ZCWPW2: variants seen among roughly 807,000 people sequenced by gnomAD.
ZCWPW2 encodes the protein zinc finger CW-type PWWP domain protein 2.
In ZCWPW2, 45 loss-of-function variants were observed where a neutral mutation model predicts 46.6. That is an observed-to-expected ratio of 0.96 (90% CI 0.76 to 1.24). The LOEUF (loss-of-function observed/expected upper bound fraction) is 1.24, where lower values mean the gene tolerates loss of function less well. Among genes scored for constraint, ZCWPW2 ranks in the 50% most tolerant of loss-of-function variants. ZCWPW2 has a pLI of 0.00. For missense variants in ZCWPW2, 429 were observed against 403.9 expected, an observed-to-expected ratio of 1.06 and a Z score of -0.53; for synonymous variants, 152 against 137.1, an observed-to-expected ratio of 1.11 and a Z score of -0.76.
intron 4 of ZCWPW2, among the ~76,000 whole-genome samples, chr3:28,452,836 G>A (rs1012347689): frequency 1.3e-5 from 2 of 152,122 alleles, no homozygotes; most frequent in Non-Finnish European, 2.9e-5. Context: ...AGAACAATAA[G>A]GTGGAGAATA....
rs1704410405 is a variant in ZCWPW2 at position 28,349,021 on chromosome 3, G to A, written c.-316G>A. On this transcript the variant is annotated 5_prime_UTR_variant, in exon 1 of 10. Transcript: ENST00000383768. ...CGCTGTCCGCGGGCTCGGCGCCAGG[G>A]ACGCGCGAGGAAACCGGAAGTCAGG... 5.1e-6 allele frequency: 5 copies of A among 986,084 alleles called. No homozygotes were observed. The highest frequency in any genetic ancestry group is 4.7e-5 in the South Asian group (1 of 21,314). The allele number at this position is 986,084 out of a possible 1,614,324, so 61.1% of individuals were successfully genotyped here.
At chr3:28,465,546 A>C (rs1430593954) in intron 4 of ZCWPW2, among the ~76,000 whole-genome samples, 1 of 152,204 alleles carries the variant, frequency 6.6e-6, no homozygotes, top group Admixed American at 6.5e-5. Flanking sequence ...TTTTATTTTA[A>C]TTAGAGAAAA....
chr3:28,407,621 T>C (rs1198784549), intron 2 of ZCWPW2, among the ~76,000 whole-genome samples: 1 of 152,178 alleles, frequency 6.6e-6, no homozygotes, highest in Non-Finnish European at 1.5e-5. Context: ...GAAAATTGAG[T>C]GTCCATAACC....
At chr3:28,436,674 G>T (rs1034744879) in intron 4 of ZCWPW2, among the ~76,000 whole-genome samples, 1 of 152,002 alleles carries the variant, frequency 6.6e-6, no homozygotes, top group Non-Finnish European at 1.5e-5. Context: ...AAGAGGGAAG[G>T]CTGTTTTTGT....
chr3:28,433,918 T>C (rs13092112), intron 3 of ZCWPW2, among the ~76,000 whole-genome samples: 4,542 of 61,866 alleles, frequency 0.073, 121 homozygotes, highest in Non-Finnish European at 0.12. Context: ...TCCACCCCAG[T>C]TTTTTTTTTT....
Position 28,515,588 on chromosome 3 carries a change from T to C in ZCWPW2, c.751T>C (p.Tyr251His), listed in dbSNP as rs1243866554. ...AILKCSFENVYSDDALSKENR... is the reference protein window; with the variant it reads ...AILKCSFENVHSDDALSKENR... ...TTTAAAATGCTCTTTTGAAAATGTTTATTCTGATGATGCCTTATCAAAGGA... is the reference window on the plus strand; with the variant it reads ...TTTAAAATGCTCTTTTGAAAATGTTCATTCTGATGATGCCTTATCAAAGGA... The change falls in exon 8 of 10, where the codon TAT becomes CAT. Residue 251 changes from tyrosine (Y) to histidine (H), a missense_variant. By Grantham distance (83) the Tyr-to-His change is moderately conservative. Coordinates refer to ENST00000383768, the MANE Select transcript of ZCWPW2 (RefSeq NM_001040432.4). 4 of 1,612,860 alleles carry C rather than the reference T, an allele frequency of 2.5e-6. No individual in the cohort carries two copies. The South Asian group carries it at 4.4e-5, about 18-fold the overall frequency.
At chr3:28,352,135 C>CACAT (rs140459897) in intron 1 of ZCWPW2, among the ~76,000 whole-genome samples, 7 of 118,150 alleles carry the variant, frequency 5.9e-5, no homozygotes, top group African/African-American at 1.2e-4. Flanking sequence ...TGCACACACA[C>CACAT]ACACACACAC....
rs1251797644 is a variant in ZCWPW2, at chr3:28,406,824, TTC to T, written c.-13-6230_-13-6229del. Among the ~76,000 whole-genome samples, 5 of 133,666 alleles carry T rather than the reference TTC, an allele frequency of 3.7e-5. No homozygotes were observed. In the South Asian group the frequency reaches 8.9e-4, roughly 24 times the overall value. The allele number at this position is 133,666 out of a possible 152,430, so 87.7% of individuals were successfully genotyped here. ...TTCATGGAATTTCCTTTTCTTTTTT[TTC>T]TTTTTTTTTTTTTTTTTGACAGACA... On this transcript the variant is annotated intron_variant, in intron 2 of 9. Transcript: ENST00000383768.
chr3:28,481,320 C>T (rs1050608279), intron 5 of ZCWPW2, among the ~76,000 whole-genome samples: 32 of 152,012 alleles, frequency 2.1e-4, no homozygotes, highest in African/African-American at 5.1e-4. Flanking sequence ...CTTGGCTCAC[C>T]GCAACCTCCG....
At chr3:28,447,856 G>A in intron 4 of ZCWPW2, 1 of 1,033,114 alleles carries the variant, frequency 9.7e-7, no homozygotes, top group South Asian at 1.2e-5. Flanking sequence ...CACCAAATCT[G>A]CATGTGGTGT....
At chr3:28,419,947 A>T (rs1575112425) in intron 3 of ZCWPW2, among the ~76,000 whole-genome samples, 3 of 111,992 alleles carry the variant, frequency 2.7e-5, no homozygotes. Context: ...GGGGGGAGGG[A>T]TAGCATTCGG....
intron 5 of ZCWPW2, among the ~76,000 whole-genome samples, chr3:28,481,290 C>G (rs1459564410): frequency 6.6e-6 from 1 of 152,128 alleles, no homozygotes; most frequent in Non-Finnish European, 1.5e-5. Flanking sequence ...GTTGCCCAGG[C>G]TGGAGTGCAG....
chr3:28,409,144 T>C (rs1004823653), intron 2 of ZCWPW2, among the ~76,000 whole-genome samples: 1 of 99,380 alleles, frequency 1.0e-5, no homozygotes, highest in African/African-American at 4.1e-5. Context: ...TTTTTTTTTT[T>C]GAGTCTCACT....
At chr3:28,490,349 A>G (rs375380685) in intron 5 of ZCWPW2, among the ~76,000 whole-genome samples, 12 of 152,154 alleles carry the variant, frequency 7.9e-5, no homozygotes, top group African/African-American at 2.7e-4. Flanking sequence ...AAATCATTCT[A>G]CCATGAAGAT....
intron 4 of ZCWPW2, among the ~76,000 whole-genome samples, chr3:28,469,303 A>T (rs894904327): frequency 2.0e-5 from 3 of 152,144 alleles, no homozygotes; most frequent in African/African-American, 7.2e-5. Context: ...AGAAGGAAGG[A>T]AAGAAGGAAG....
intron 2 of ZCWPW2, among the ~76,000 whole-genome samples, chr3:28,404,220 A>G (rs1394214374): frequency 6.6e-6 from 1 of 152,144 alleles, no homozygotes; most frequent in African/African-American, 2.4e-5. Flanking sequence ...TGGCCTAAGG[A>G]CATGAATACA....
intron 1 of ZCWPW2, among the ~76,000 whole-genome samples, chr3:28,368,702 G>A (rs1705210133): frequency 6.6e-6 from 1 of 152,082 alleles, no homozygotes; most frequent in South Asian, 2.1e-4. Flanking sequence ...TTGAATGTTG[G>A]CCTGCCTTGC....
At chr3:28,408,897 G>A (rs1231435860) in intron 2 of ZCWPW2, among the ~76,000 whole-genome samples, 6 of 152,024 alleles carry the variant, frequency 3.9e-5, no homozygotes, top group Non-Finnish European at 2.9e-5. Flanking sequence ...TACAGGGAAA[G>A]ACATCTGAAA....
chr3:28,363,281 A>T (rs1705008782), intron 1 of ZCWPW2, among the ~76,000 whole-genome samples: 1 of 152,174 alleles, frequency 6.6e-6, no homozygotes, highest in African/African-American at 2.4e-5. Flanking sequence ...TTATTTAATA[A>T]TAACGCAATG....
Sources: allele counts gnomAD v4.1 joint callset (sites outside exome capture counted in the v4.1 genomes callset), GRCh38; gene constraint gnomAD v4.1.1; transcripts MANE v1.5; gene names NCBI Gene and HGNC (gene_info 2026-07-23, HGNC 2026-07-21).